Variants in MAPK4 observed in about 807,000 individuals in gnomAD.
MAPK4 encodes the protein Erk3-related.
Under a neutral mutation model 47.7 loss-of-function variants are expected in MAPK4, and 22 were observed. The ratio of observed to expected loss-of-function variants is 0.46; its 90% CI spans 0.33 to 0.66. The LOEUF (loss-of-function observed/expected upper bound fraction) is 0.66, where lower values mean the gene tolerates loss of function less well. Among genes scored for constraint, MAPK4 ranks in the 30% least tolerant of loss-of-function variants. The probability of loss-of-function intolerance (pLI) is 0.02; values close to 1 mark genes in which losing one functional copy is unlikely to be tolerated. For synonymous variants in MAPK4, 390 were observed against 365.7 expected (o/e 1.07, Z -0.76); for missense variants, 736 against 831.7 (o/e 0.88, Z 1.42).
At chr18:50,724,662 A>G (rs1212264867) in intron 4 of MAPK4, among the ~76,000 whole-genome samples, 2 of 152,356 alleles carry the variant, frequency 1.3e-5, no homozygotes, top group South Asian at 2.1e-4. Flanking sequence ...CTAGGGTTAC[A>G]CTGCAGCACT....
intron 2 of MAPK4, among the ~76,000 whole-genome samples, chr18:50,671,525 T>C (rs1182217204): frequency 6.6e-6 from 1 of 152,166 alleles, no homozygotes; most frequent in Non-Finnish European, 1.5e-5. Flanking sequence ...AAGAGGTACA[T>C]GATGTCAAAC....
chr18:50,630,932 A>G (rs1307877191), intron 1 of MAPK4, among the ~76,000 whole-genome samples: 2 of 152,146 alleles, frequency 1.3e-5, no homozygotes, highest in Non-Finnish European at 2.9e-5. Context: ...TTCTCCGACC[A>G]AGGTACAGTA....
At chr18:50,600,619 G>A (rs1234352145) in intron 1 of MAPK4, among the ~76,000 whole-genome samples, 4 of 152,076 alleles carry the variant, frequency 2.6e-5, no homozygotes, top group Non-Finnish European at 4.4e-5. Context: ...GGAGAACCAC[G>A]GACCTGTGCT....
At chr18:50,686,330 G>A (rs1424957556) in intron 2 of MAPK4, among the ~76,000 whole-genome samples, 1 of 152,184 alleles carries the variant, frequency 6.6e-6, no homozygotes, top group Non-Finnish European at 1.5e-5. Flanking sequence ...ACCCAGGCAG[G>A]AGATTGAATG....
intron 1 of MAPK4, among the ~76,000 whole-genome samples, chr18:50,587,134 T>G (rs547276126): frequency 3.3e-5 from 5 of 152,372 alleles, no homozygotes; most frequent in African/African-American, 1.2e-4. Flanking sequence ...GAGATTGCTG[T>G]GGTCTGAATG....
intron 1 of MAPK4, among the ~76,000 whole-genome samples, chr18:50,616,175 G>A (rs539438764): frequency 6.6e-6 from 1 of 152,132 alleles, no homozygotes; most frequent in South Asian, 2.1e-4. Context: ...TCTTCCTTTG[G>A]GGGGATAAAA....
At chr18:50,660,537 A>G (rs2043159225) in intron 1 of MAPK4, among the ~76,000 whole-genome samples, 1 of 152,214 alleles carries the variant, frequency 6.6e-6, no homozygotes, top group South Asian at 2.1e-4. Context: ...CTACTTGTGA[A>G]GCTTACAGTC....
chr18:50,668,736 T>G lies in MAPK4; in HGVS notation c.546+4232T>G, dbSNP rs569804091. Among the ~76,000 whole-genome samples the G allele has an allele frequency of 1.8e-4, 27 of 152,306 alleles. 1 individual carries two copies. The highest frequency in any genetic ancestry group is 6.0e-4 in the African/African-American group (25 of 41,576). On this transcript the variant is annotated intron_variant, in intron 2 of 5. Transcript: ENST00000400384. ...TCATGTAGTTTATCCCTAGAATAGA[T>G]CTGTAAAAAGACCTCACACCCATGT...
At chr18:50,695,062 C>T (rs1909426351) in intron 2 of MAPK4, among the ~76,000 whole-genome samples, 1 of 152,092 alleles carries the variant, frequency 6.6e-6, no homozygotes, top group African/African-American at 2.4e-5. Flanking sequence ...AACATAGACT[C>T]AGGCCAGGCA....
chr18:50,672,239 G>A (rs145788834), intron 2 of MAPK4, among the ~76,000 whole-genome samples: 48 of 152,280 alleles, frequency 3.2e-4, no homozygotes, highest in East Asian at 2.9e-3. Flanking sequence ...CCAGCCATCC[G>A]CGGAGGCTGG....
At chr18:50,652,063 G>A (rs923002849) in intron 1 of MAPK4, among the ~76,000 whole-genome samples, 1 of 152,178 alleles carries the variant, frequency 6.6e-6, no homozygotes, top group African/African-American at 2.4e-5. Context: ...TTGCCAGCCC[G>A]ATTGTTCTTC....
chr18:50,607,921 A>G (rs2042596245), intron 1 of MAPK4, among the ~76,000 whole-genome samples: 1 of 152,230 alleles, frequency 6.6e-6, no homozygotes, highest in Non-Finnish European at 1.5e-5. Context: ...AAGAAGCCAC[A>G]TAATGAGTTC....
chr18:50,568,195 C>CAA (rs760481992), intron 1 of MAPK4, among the ~76,000 whole-genome samples: 1 of 92,348 alleles, frequency 1.1e-5, no homozygotes, highest in African/African-American at 4.1e-5. Context: ...GACGCTGTCC[C>CAA]AAAAAAAAAA....
At chr18:50,588,551 C>CTTTGTTTGTTTG (rs3080800) in intron 1 of MAPK4, among the ~76,000 whole-genome samples, 2 of 150,610 alleles carry the variant, frequency 1.3e-5, no homozygotes, top group African/African-American at 2.4e-5. Flanking sequence ...TAGACTCCAT[C>CTTTGTTTGTTTG]TTTGTTTGTT....
chr18:50,582,411 G>A (rs1432968638), intron 1 of MAPK4, among the ~76,000 whole-genome samples: 1 of 152,226 alleles, frequency 6.6e-6, no homozygotes, highest in African/African-American at 2.4e-5. Context: ...GCTCCCTGAT[G>A]TTAGAATGGC....
intron 2 of MAPK4, among the ~76,000 whole-genome samples, chr18:50,703,837 C>G (rs1481681498): frequency 6.6e-6 from 1 of 152,204 alleles, no homozygotes; most frequent in Non-Finnish European, 1.5e-5. Context: ...CCCCTGCTAG[C>G]TATTAACATC....
At chr18:50,694,678 CT>C (rs766750202) in intron 2 of MAPK4, among the ~76,000 whole-genome samples, 62 of 152,256 alleles carry the variant, frequency 4.1e-4, no homozygotes, top group Non-Finnish European at 2.9e-4. Flanking sequence ...GTAGAGAGGC[CT>C]TTGGTGACCC....
At chr18:50,591,503 C>T (rs1047273843) in intron 1 of MAPK4, among the ~76,000 whole-genome samples, 1 of 150,656 alleles carries the variant, frequency 6.6e-6, no homozygotes, top group Admixed American at 6.7e-5. Context: ...GCAGAATTGG[C>T]TTACTCTAAA....
intron 5 of MAPK4, among the ~76,000 whole-genome samples, chr18:50,727,633 TCTGCGA>T (rs1911272948): frequency 6.6e-6 from 1 of 152,096 alleles, no homozygotes; most frequent in Admixed American, 6.5e-5. Flanking sequence ...TCCTATACTT[TCTGCGA>T]CTGTGGCATA....
Sources: gnomAD v4.1 joint callset for allele counts (sites outside exome capture counted in the v4.1 genomes callset) on GRCh38, gnomAD v4.1.1 for gene constraint, MANE v1.5 for transcripts, NCBI Gene and HGNC (gene_info 2026-07-23, HGNC 2026-07-21) for gene names.